Variants in EEFSEC observed in about 807,000 individuals in gnomAD.
EEFSEC encodes selenocysteine-specific elongation factor.
In EEFSEC, 43 loss-of-function variants were observed where a neutral mutation model predicts 42.1. That is an observed-to-expected ratio of 1.02 (90% confidence interval 0.80 to 1.32). The LOEUF (loss-of-function observed/expected upper bound fraction) is 1.32, where lower values mean the gene tolerates loss of function less well. Among genes scored for constraint, EEFSEC ranks in the 40% most tolerant of loss-of-function variants. The pLI is 0.00. For missense variants in EEFSEC, 745 were observed against 803.6 expected, an observed-to-expected ratio of 0.93 and a Z score of 0.88; for synonymous variants, 354 against 339.1, an observed-to-expected ratio of 1.04 and a Z score of -0.48.
At chr3:128,309,625 A>G (rs575461129) in intron 4 of EEFSEC, among the ~76,000 whole-genome samples, 1 of 152,298 alleles carries the variant, frequency 6.6e-6, no homozygotes, top group South Asian at 2.1e-4. Context: ...TGAAGATTCA[A>G]ATTAGAGGAT....
intron 1 of EEFSEC, among the ~76,000 whole-genome samples, chr3:128,242,535 G>T: frequency 6.6e-6 from 1 of 151,790 alleles, no homozygotes; most frequent in South Asian, 2.1e-4. Flanking sequence ...GCTAAAATAT[G>T]TTCAAAGTAT....
intron 4 of EEFSEC, among the ~76,000 whole-genome samples, chr3:128,275,651 C>A (rs2066460276): frequency 6.6e-6 from 1 of 152,242 alleles, no homozygotes; most frequent in Non-Finnish European, 1.5e-5. Context: ...CCCTGCTTCC[C>A]AGGCAAGGCG....
chr3:128,296,795 G>C (rs1379928784), intron 4 of EEFSEC, among the ~76,000 whole-genome samples: 1 of 152,206 alleles, frequency 6.6e-6, no homozygotes, highest in Non-Finnish European at 1.5e-5. Context: ...TGTCCCAGTT[G>C]GCATAGGTGT....
intron 6 of EEFSEC, chr3:128,362,157 G>A (rs1184559852): frequency 2.0e-6 from 1 of 492,338 alleles, no homozygotes; most frequent in South Asian, 1.5e-5. Context: ...GCTCATCTTG[G>A]CAAGCCGTCT....
intron 1 of EEFSEC, among the ~76,000 whole-genome samples, chr3:128,176,167 G>T (rs570877223): frequency 2.0e-4 from 30 of 151,174 alleles, no homozygotes; most frequent in African/African-American, 7.3e-4. Flanking sequence ...TAAACCATTT[G>T]TCAGAAATCT....
intron 4 of EEFSEC, among the ~76,000 whole-genome samples, chr3:128,290,828 C>G (rs1559905195): frequency 6.6e-6 from 1 of 152,188 alleles, no homozygotes; most frequent in Non-Finnish European, 1.5e-5. Context: ...TCACTGCAAC[C>G]TGTACCTCCC....
chr3:128,176,973 A>T (rs908262897), intron 1 of EEFSEC, among the ~76,000 whole-genome samples: 14 of 146,552 alleles, frequency 9.6e-5, no homozygotes, highest in Non-Finnish European at 4.5e-5. Context: ...GTTTAAATGA[A>T]CATACTGGAT....
At chr3:128,212,173 A>G (rs1012757444) in intron 1 of EEFSEC, among the ~76,000 whole-genome samples, 2 of 152,058 alleles carry the variant, frequency 1.3e-5, no homozygotes, top group Non-Finnish European at 2.9e-5. Context: ...AAATACATAC[A>G]CTTCTTAACA....
intron 1 of EEFSEC, among the ~76,000 whole-genome samples, chr3:128,195,762 G>T (rs1431572061): frequency 6.6e-6 from 1 of 152,192 alleles, no homozygotes; most frequent in Non-Finnish European, 1.5e-5. Context: ...GGTCAAGATG[G>T]TAGAGACAAG....
At chr3:128,362,415 G>GATCTTATCTCC (rs1356524243) in intron 6 of EEFSEC, among the ~76,000 whole-genome samples, 14 of 152,368 alleles carry the variant, frequency 9.2e-5, no homozygotes, top group African/African-American at 3.4e-4. Flanking sequence ...GGGCACACAT[G>GATCTTATCTCC]TGCCCGTGAT....
At chr3:128,396,981 C>T (rs369027422) in intron 6 of EEFSEC, among the ~76,000 whole-genome samples, 1 of 152,196 alleles carries the variant, frequency 6.6e-6, no homozygotes, top group African/African-American at 2.4e-5. Flanking sequence ...GGCAAGGCCC[C>T]GCAGCCCACA....
the EEFSEC span, among the ~76,000 whole-genome samples, chr3:128,417,958 TC>T: frequency 6.6e-6 from 1 of 151,534 alleles, no homozygotes; most frequent in Non-Finnish European, 1.5e-5. The surrounding 1 kb of genome is among the most constrained non-coding windows in gnomAD (Gnocchi z 4.3). Context: ...TTCCCAACCT[TC>T]CCCAGCCTTG....
At chr3:128,174,631 C>T (rs898555396) in intron 1 of EEFSEC, among the ~76,000 whole-genome samples, 93 of 152,258 alleles carry the variant, frequency 6.1e-4, no homozygotes, top group African/African-American at 2.2e-3. Context: ...TTACTGTGGA[C>T]GTGTAGCTTT....
chr3:128,411,605 T>C (rs996707579), downstream of EEFSEC, among the ~76,000 whole-genome samples: 3 of 151,766 alleles, frequency 2.0e-5, no homozygotes, highest in Non-Finnish European at 2.9e-5. Context: ...CCACATGGAG[T>C]GAGGTCATGG....
intron 5 of EEFSEC, among the ~76,000 whole-genome samples, chr3:128,342,929 G>A (rs946059280): frequency 2.5e-4 from 38 of 152,232 alleles, no homozygotes; most frequent in African/African-American, 8.2e-4. Context: ...AAACCTTGCC[G>A]TCTCTTCTAG....
chr3:128,405,551 G>A (rs766228646), intron 6 of EEFSEC, among the ~76,000 whole-genome samples: 15 of 152,220 alleles, frequency 9.9e-5, no homozygotes, highest in Non-Finnish European at 2.1e-4. Flanking sequence ...TAAAGAAGGG[G>A]TGGCCAACAT....
chr3:128,253,087 T>C (rs945061932), intron 2 of EEFSEC, among the ~76,000 whole-genome samples: 1 of 152,230 alleles, frequency 6.6e-6, no homozygotes, highest in Non-Finnish European at 1.5e-5. Context: ...GAAGGCTAGC[T>C]TCTCTTGAGT....
At chr3:128,409,673 G>A (rs753496573), downstream of EEFSEC, among the ~76,000 whole-genome samples, 11 of 152,186 alleles carry the variant, frequency 7.2e-5, no homozygotes, top group South Asian at 6.2e-4. Flanking sequence ...TGCAGGCTGC[G>A]GGTGCCAGGG....
At chr3:128,171,869 TCAA>T (rs2065300738) in intron 1 of EEFSEC, among the ~76,000 whole-genome samples, 1 of 151,736 alleles carries the variant, frequency 6.6e-6, no homozygotes. Flanking sequence ...AAATAACAAT[TCAA>T]CAACAAAAAA....
Sources: allele counts gnomAD v4.1 joint callset (sites outside exome capture counted in the v4.1 genomes callset), GRCh38; gene constraint gnomAD v4.1.1; non-coding constraint Gnocchi (gnomAD v3.1); transcripts MANE v1.5; gene names NCBI Gene and HGNC (gene_info 2026-07-23, HGNC 2026-07-21).